The following IGSF5 variants were observed in gnomAD, a reference collection of about 807,000 sequenced individuals.
IGSF5 encodes immunoglobulin superfamily member 5.
In IGSF5, 41 loss-of-function variants were observed where a neutral mutation model predicts 39.4. That is an observed-to-expected ratio of 1.04 (90% CI 0.81 to 1.35). The LOEUF is 1.35. Among genes scored for constraint, IGSF5 ranks in the 40% most tolerant of loss-of-function variants. IGSF5 has a pLI of 0.00. For missense variants in IGSF5, 487 were observed against 494.6 expected (o/e 0.98, Z 0.15); for synonymous variants, 183 against 175.3 (o/e 1.04, Z -0.34).
chr21:39,757,869 G>A (rs1046555740), intron 2 of IGSF5, among the ~76,000 whole-genome samples: 4 of 152,044 alleles, frequency 2.6e-5, no homozygotes, highest in Non-Finnish European at 4.4e-5. Flanking sequence ...GAGCCACCGC[G>A]CCCAGACTGT....
intron 5 of IGSF5, among the ~76,000 whole-genome samples, chr21:39,785,169 C>G (rs919385384): frequency 6.6e-6 from 1 of 151,702 alleles, no homozygotes; most frequent in Non-Finnish European, 1.5e-5. Context: ...TTAGGTATAT[C>G]TCCTAATGCT....
chr21:39,772,257 G>A (rs1411770352), intron 4 of IGSF5, among the ~76,000 whole-genome samples: 1 of 152,166 alleles, frequency 6.6e-6, no homozygotes, highest in East Asian at 1.9e-4. Flanking sequence ...TTGTGCACAC[G>A]TCTGTAGAGT....
intron 2 of IGSF5, among the ~76,000 whole-genome samples, chr21:39,750,963 G>A (rs1430884823): frequency 6.6e-6 from 1 of 152,234 alleles, no homozygotes; most frequent in Non-Finnish European, 1.5e-5. Context: ...GAGGGAGAGG[G>A]AGTGGAGGCC....
upstream of IGSF5, among the ~76,000 whole-genome samples, chr21:39,743,751 C>T (rs1382808488): frequency 6.6e-6 from 1 of 152,186 alleles, no homozygotes; most frequent in Non-Finnish European, 1.5e-5. Flanking sequence ...TGGCACTTCA[C>T]TCCATTTGCC....
intron 5 of IGSF5, among the ~76,000 whole-genome samples, chr21:39,782,533 C>A (rs1193946825): frequency 1.3e-5 from 2 of 152,128 alleles, no homozygotes; most frequent in East Asian, 3.9e-4. Flanking sequence ...TCCCCCCAGT[C>A]CCTGGCAACC....
chr21:39,757,695 G>A (rs2080038470), intron 2 of IGSF5, among the ~76,000 whole-genome samples: 1 of 151,536 alleles, frequency 6.6e-6, no homozygotes, highest in African/African-American at 2.4e-5. Context: ...TCCTGCCTCA[G>A]CCTCCTGAGT....
chr21:39,725,285 C>T, the IGSF5 span, among the ~76,000 whole-genome samples: 31 of 152,316 alleles, frequency 2.0e-4, no homozygotes, highest in Admixed American at 7.2e-4. Flanking sequence ...AGTTGTAAAA[C>T]GTGGCTAATG....
chr21:39,782,419 C>T (rs997336382), intron 5 of IGSF5, among the ~76,000 whole-genome samples: 1 of 152,164 alleles, frequency 6.6e-6, no homozygotes, highest in Non-Finnish European at 1.5e-5. Flanking sequence ...GCATTAAATA[C>T]ATTTACACTT....
chr21:39,745,459 A>G lies in IGSF5; in HGVS notation c.-51A>G. On this transcript the variant is annotated 5_prime_UTR_variant, in exon 1 of 9. Coordinates refer to ENST00000380588, the MANE Select transcript of IGSF5 (RefSeq NM_001080444.2). ...AGAGGAAGTAGATTCAGAGGTAAGG[A>G]GAATTTTGGGGCTATACTTTCAAGA... 1.4e-6 allele frequency: 1 copy of G among 711,126 alleles called. No homozygotes were observed. The highest frequency in any genetic ancestry group is 1.7e-5 in the African/African-American group (1 of 57,296). 44.1% of individuals were successfully genotyped at this position (711,126 alleles called of 1,614,324 possible).
chr21:39,727,480 T>G, the IGSF5 span, among the ~76,000 whole-genome samples: 1 of 152,196 alleles, frequency 6.6e-6, no homozygotes, highest in Non-Finnish European at 1.5e-5. Flanking sequence ...TAATGATGAC[T>G]GGGCAGCCAT....
the IGSF5 span, among the ~76,000 whole-genome samples, chr21:39,724,134 C>T: frequency 4.0e-5 from 6 of 149,174 alleles, no homozygotes; most frequent in African/African-American, 1.5e-4. Context: ...AAATAAAATG[C>T]CTTTTGTTTC....
chr21:39,776,717 C>T (rs2080143370), intron 4 of IGSF5, among the ~76,000 whole-genome samples: 1 of 152,130 alleles, frequency 6.6e-6, no homozygotes. Flanking sequence ...TGTCCAGATT[C>T]AGGAAGTTTG....
chr21:39,720,870 C>T, the IGSF5 span, among the ~76,000 whole-genome samples: 2 of 152,056 alleles, frequency 1.3e-5, no homozygotes, highest in African/African-American at 4.8e-5. Flanking sequence ...TTTTGTGAAT[C>T]TAAAACTACT....
rs1174037002 is a variant in IGSF5, at chr21:39,746,106, A to C, written c.18-110A>C. On this transcript the variant is annotated intron_variant, in intron 1 of 8. Coordinates refer to ENST00000380588, the MANE Select transcript of IGSF5 (RefSeq NM_001080444.2). ...GTCATGGGAGAGAACCATGGAAGCCAGTGACTAGTGTTTAGCTCGATTAGG... is the reference window on the plus strand; with the variant it reads ...GTCATGGGAGAGAACCATGGAAGCCCGTGACTAGTGTTTAGCTCGATTAGG... 2.0e-5 allele frequency: 14 copies of C among 687,158 alleles called. No individual in the cohort carries two copies. In the African/African-American group the frequency reaches 2.3e-4, roughly 11 times the overall value. The allele number at this position is 687,158 out of a possible 1,614,324, so 42.6% of individuals were successfully genotyped here. A position where few individuals can be genotyped will look rare whatever the true frequency, so the allele number is the denominator to read the frequency against.
rs199849690 is a variant in IGSF5, at chr21:39,792,006, A to C, written c.957-2A>C. On this transcript the variant is annotated splice_acceptor_variant, in intron 6 of 8. Transcript: ENST00000380588. LOFTEE classifies it high-confidence loss of function. ...CATGAACATAAAATGGTCTAATTGTAGGAAATCTGAAAAAGAGAAGACAAA... is the reference window on the plus strand; with the variant it reads ...CATGAACATAAAATGGTCTAATTGTCGGAAATCTGAAAAAGAGAAGACAAA... 6.3e-7 allele frequency: 1 copy of C among 1,596,706 alleles called. No homozygotes were observed. Among genetic ancestry groups the C allele is most frequent in the Non-Finnish European group, 8.6e-7 (1 of 1,167,814 alleles).
intron 5 of IGSF5, among the ~76,000 whole-genome samples, 198 bp downstream of exon 5, chr21:39,779,503 C>A (rs1432330951): frequency 6.6e-6 from 1 of 152,108 alleles, no homozygotes; most frequent in Admixed American, 6.5e-5. Flanking sequence ...GAGGTTCCCC[C>A]AAAAATTAAA....
At chr21:39,739,716 G>T in the IGSF5 span, among the ~76,000 whole-genome samples, 3 of 152,162 alleles carry the variant, frequency 2.0e-5, no homozygotes, top group Non-Finnish European at 2.9e-5. Flanking sequence ...CTCAGGAGGG[G>T]TGCCTTCGAT....
Position 39,787,552 on chromosome 21 carries a change from G to GTTTTTTT in IGSF5, c.935-602_935-596dup, listed in dbSNP as rs33925299. On this transcript the variant is annotated intron_variant, in intron 5 of 8. Coordinates refer to ENST00000380588, the MANE Select transcript of IGSF5 (RefSeq NM_001080444.2). Reference sequence around the variant, plus strand: ...AAAACATTAGCAATTTAATGACAGTGTTTTTTTTTTTTTTTTTTTGGTGGG... The same window carrying GTTTTTTT: ...AAAACATTAGCAATTTAATGACAGTGTTTTTTTTTTTTTTTTTTTTTTTTTTGGTGGG... Among the ~76,000 whole-genome samples the GTTTTTTT allele has an allele frequency of 4.4e-3, 527 of 119,778 alleles. 8 individuals carry two copies. The highest frequency in any genetic ancestry group is 0.011 in the Middle Eastern group (2 of 190). The allele number at this position is 119,778 out of a possible 152,430, so 78.6% of individuals were successfully genotyped here.
the IGSF5 span, among the ~76,000 whole-genome samples, chr21:39,718,915 T>G: frequency 6.6e-6 from 1 of 152,202 alleles, no homozygotes; most frequent in Non-Finnish European, 1.5e-5. Flanking sequence ...ATAGTTTCTG[T>G]AGGAGTGGTA....
Sources: gnomAD v4.1 joint callset for allele counts (sites outside exome capture counted in the v4.1 genomes callset) on GRCh38, gnomAD v4.1.1 for gene constraint, MANE v1.5 for transcripts, NCBI Gene and HGNC (gene_info 2026-07-23, HGNC 2026-07-21) for gene names.